The following PRELID2 variants were observed in gnomAD, a reference collection of about 807,000 sequenced individuals.
The protein encoded by PRELID2 is PRELI domain containing 2.
A neutral mutation model predicts 28.4 loss-of-function variants in PRELID2; 25 were observed. The observed-to-expected ratio is 0.88, with a 90% CI of 0.64 to 1.23. The LOEUF (loss-of-function observed/expected upper bound fraction) is 1.23, where lower values mean the gene tolerates loss of function less well. Among genes scored for constraint, PRELID2 ranks in the 50% most tolerant of loss-of-function variants. The probability of loss-of-function intolerance (pLI) is 0.00; values close to 1 mark genes in which losing one functional copy is unlikely to be tolerated. For missense variants in PRELID2, 201 were observed against 214.4 expected (o/e 0.94, Z 0.39); for synonymous variants, 76 against 71.6 (o/e 1.06, Z -0.31).
the PRELID2 span, among the ~76,000 whole-genome samples, chr5:145,338,563 T>A: frequency 6.6e-6 from 1 of 152,206 alleles, no homozygotes; most frequent in African/African-American, 2.4e-5. Context: ...TTGAAGTAAA[T>A]TTGCATAAGA....
chr5:145,822,971 A>T lies in PRELID2; in HGVS notation c.133+106T>A, dbSNP rs1379152677. On this transcript the variant is annotated intron_variant, in intron 2 of 6. Coordinates refer to ENST00000683046, the MANE Select transcript of PRELID2 (RefSeq NM_205846.3). ...TAATGGAAGAAACTGCAGGTGAACA[A>T]TTTTTTAAAAAAAACCTAATAGGCC... 14 of 587,298 alleles carry T rather than the reference A, an allele frequency of 2.4e-5. No individual in the cohort carries two copies. In the East Asian group the frequency reaches 3.6e-4, roughly 15 times the overall value. The allele number at this position is 587,298 out of a possible 1,614,324, so 36.4% of individuals were successfully genotyped here. A position where few individuals can be genotyped will look rare whatever the true frequency, so the allele number is the denominator to read the frequency against.
chr5:145,479,029 C>A (rs961642563), intron 1 of PRELID2, among the ~76,000 whole-genome samples: 1 of 152,202 alleles, frequency 6.6e-6, no homozygotes, highest in Non-Finnish European at 1.5e-5. Context: ...TTGACCAGAA[C>A]CTGAACATCA....
At chr5:145,655,963 C>A (rs1401476514) in intron 1 of PRELID2, among the ~76,000 whole-genome samples, 5 of 152,148 alleles carry the variant, frequency 3.3e-5, no homozygotes, top group Non-Finnish European at 7.4e-5. Context: ...AGTGAACAGG[C>A]AACCTACAGA....
chr5:145,619,251 A>T (rs1351456907), intron 1 of PRELID2, among the ~76,000 whole-genome samples: 1 of 151,960 alleles, frequency 6.6e-6, no homozygotes, highest in Non-Finnish European at 1.5e-5. Flanking sequence ...AAGCTACAAG[A>T]CTCAGCTGGA....
intron 1 of PRELID2, among the ~76,000 whole-genome samples, chr5:145,484,822 C>T (rs574773189): frequency 1.3e-5 from 2 of 152,284 alleles, no homozygotes; most frequent in Non-Finnish European, 1.5e-5. Context: ...TACTGTATTT[C>T]CCATTAGAGA....
chr5:145,526,628 C>T (rs912511276), intron 1 of PRELID2, among the ~76,000 whole-genome samples: 2 of 151,918 alleles, frequency 1.3e-5, no homozygotes, highest in African/African-American at 2.4e-5. Flanking sequence ...CTGGCTTCTC[C>T]GTGGGAAGTG....
downstream of PRELID2, among the ~76,000 whole-genome samples, chr5:145,470,310 G>C (rs1475513658): frequency 6.6e-6 from 1 of 152,138 alleles, no homozygotes; most frequent in Non-Finnish European, 1.5e-5. Flanking sequence ...TGACAGGCTA[G>C]ATTTGACTCA....
chr5:145,375,180 T>C, the PRELID2 span, among the ~76,000 whole-genome samples: 1 of 148,010 alleles, frequency 6.8e-6, no homozygotes, highest in African/African-American at 2.7e-5. Context: ...GGCTTTTTTA[T>C]TGTTGTCATG....
At chr5:145,655,411 T>C (rs1754376317) in intron 1 of PRELID2, among the ~76,000 whole-genome samples, 1 of 152,226 alleles carries the variant, frequency 6.6e-6, no homozygotes, top group Non-Finnish European at 1.5e-5. Context: ...TTAAAGTTCA[T>C]GTGGAACCAA....
chr5:145,420,098 T>G, the PRELID2 span, among the ~76,000 whole-genome samples: 1 of 152,124 alleles, frequency 6.6e-6, no homozygotes, highest in Non-Finnish European at 1.5e-5. Context: ...ATATCTCTGT[T>G]TTGGTACCAG....
At chr5:145,446,807 G>C in the PRELID2 span, among the ~76,000 whole-genome samples, 1 of 152,080 alleles carries the variant, frequency 6.6e-6, no homozygotes, top group Admixed American at 6.6e-5. Context: ...AGCACTTTGG[G>C]AGGCTGAGGC....
At chr5:145,392,607 A>G in the PRELID2 span, among the ~76,000 whole-genome samples, 1 of 152,114 alleles carries the variant, frequency 6.6e-6, no homozygotes, top group African/African-American at 2.4e-5. Flanking sequence ...AACAGTCACA[A>G]TTTGATCTGT....
intron 1 of PRELID2, among the ~76,000 whole-genome samples, chr5:145,515,981 G>A (rs576209811): frequency 3.5e-4 from 53 of 152,224 alleles, no homozygotes; most frequent in African/African-American, 1.2e-3. Context: ...GGTATCGATG[G>A]AGTGTATCTC....
the PRELID2 span, among the ~76,000 whole-genome samples, chr5:145,261,436 C>T: frequency 6.6e-4 from 101 of 152,296 alleles, no homozygotes; most frequent in African/African-American, 2.2e-3. Context: ...TTCATTCCCC[C>T]ACTACCTCCA....
intron 5 of PRELID2, among the ~76,000 whole-genome samples, chr5:145,785,450 C>T (rs915349327): frequency 2.0e-5 from 3 of 152,190 alleles, no homozygotes; most frequent in African/African-American, 7.2e-5. Context: ...CTTTAAAATA[C>T]TTCAGCACAT....
rs1228083714 is a variant in PRELID2, at chr5:145,822,971, AT to A, written c.133+105del. On this transcript the variant is annotated intron_variant, in intron 2 of 6. Coordinates refer to ENST00000683046, the MANE Select transcript of PRELID2 (RefSeq NM_205846.3). Reference sequence around the variant, plus strand: ...TAATGGAAGAAACTGCAGGTGAACAATTTTTTAAAAAAAACCTAATAGGCCA... The same window carrying A: ...TAATGGAAGAAACTGCAGGTGAACAATTTTTAAAAAAAACCTAATAGGCCA... 16 of 587,294 alleles carry A rather than the reference AT, an allele frequency of 2.7e-5. No homozygotes were observed. In the Admixed American group the frequency reaches 2.9e-4, roughly 11 times the overall value. 36.4% of individuals were successfully genotyped at this position (587,294 alleles called of 1,614,324 possible).
At chr5:145,642,172 A>T (rs1754118252) in intron 1 of PRELID2, among the ~76,000 whole-genome samples, 1 of 149,846 alleles carries the variant, frequency 6.7e-6, no homozygotes, top group Non-Finnish European at 1.5e-5. Context: ...CCTCTCTAGC[A>T]CCTGTTGTTT....
At chr5:145,234,184 CTCT>C in the PRELID2 span, among the ~76,000 whole-genome samples, 2 of 152,088 alleles carry the variant, frequency 1.3e-5, no homozygotes, top group Non-Finnish European at 2.9e-5. Flanking sequence ...ATTTTCCTGA[CTCT>C]TCTTATTCTG....
At chr5:145,819,221 C>T (rs952344107) in intron 3 of PRELID2, among the ~76,000 whole-genome samples, 7 of 152,164 alleles carry the variant, frequency 4.6e-5, no homozygotes, top group Non-Finnish European at 7.3e-5. Flanking sequence ...AGTAACACAA[C>T]ATCACACACA....
Sources: allele counts gnomAD v4.1 joint callset (sites outside exome capture counted in the v4.1 genomes callset), GRCh38; gene constraint gnomAD v4.1.1; transcripts MANE v1.5; gene names NCBI Gene and HGNC (gene_info 2026-07-23, HGNC 2026-07-21).